Variants in PRDM15 observed in about 807,000 individuals in gnomAD.
The protein encoded by PRDM15 is PR domain zinc finger protein 15.
A neutral mutation model predicts 128.6 loss-of-function variants in PRDM15; 64 were observed. The ratio of observed to expected loss-of-function variants is 0.50; its 90% confidence interval spans 0.41 to 0.61. The LOEUF (loss-of-function observed/expected upper bound fraction) is 0.61. Ranked by LOEUF, PRDM15 falls within the 20% of genes least tolerant of loss-of-function variation. The pLI, the probability that PRDM15 is intolerant of heterozygous loss-of-function variation, is 0.00. For missense variants in PRDM15, 1,242 were observed against 1,569.1 expected (o/e 0.79, Z 3.52); for synonymous variants, 615 against 621.8 (o/e 0.99, Z 0.16).
At chr21:41,878,740 C>A in intron 1 of PRDM15, 1 of 1,568,054 alleles carries the variant, frequency 6.4e-7, no homozygotes, top group Non-Finnish European at 8.6e-7. Context: ...CCAGGGACCC[C>A]CCCGTGCGAC....
Position 41,862,053 on chromosome 21 carries a change from G to A in PRDM15, c.-9-1681C>T. 7.4e-7 allele frequency: 1 copy of A among 1,351,274 alleles called. No homozygotes were observed. Among genetic ancestry groups the A allele is most frequent in the East Asian group, 2.3e-5 (1 of 42,944 alleles). 83.7% of individuals were successfully genotyped at this position (1,351,274 alleles called of 1,614,324 possible). A position where few individuals can be genotyped will look rare whatever the true frequency, so the allele number is the denominator to read the frequency against. Reference sequence around the variant, plus strand: ...GCAAATAGGGACCAGTCTGGGATGGGGGCTCAGCTGGGCAGTGAGCAGGAG... The same window carrying A: ...GCAAATAGGGACCAGTCTGGGATGGAGGCTCAGCTGGGCAGTGAGCAGGAG... On this transcript the variant is annotated intron_variant, in intron 1 of 23. Transcript: ENST00000398548. This position sits in a 1 kb window ranked among gnomAD's most constrained non-coding sequence, Gnocchi z 4.1.
chr21:41,812,869 T>G (rs1324890954), intron 19 of PRDM15: 1 of 152,334 alleles, frequency 6.6e-6, no homozygotes, highest in Non-Finnish European at 1.5e-5. Flanking sequence ...CCCAGACACC[T>G]TGCTCTGACG....
At chr21:41,848,631 A>G (rs2063338617) in intron 5 of PRDM15, among the ~76,000 whole-genome samples, 1 of 152,252 alleles carries the variant, frequency 6.6e-6, no homozygotes, top group Non-Finnish European at 1.5e-5. Context: ...TCAGAAAAAG[A>G]GGACAAGGGC....
intron 11 of PRDM15, among the ~76,000 whole-genome samples, chr21:41,830,227 CCA>C (rs1211979351): frequency 4.1e-4 from 61 of 149,014 alleles, no homozygotes; most frequent in African/African-American, 1.3e-3. Context: ...CACAATCACA[CCA>C]CACACTCAAN....
chr21:41,808,823 C>A (rs541800747), intron 21 of PRDM15, among the ~76,000 whole-genome samples: 7 of 152,210 alleles, frequency 4.6e-5, no homozygotes, highest in Non-Finnish European at 1.0e-4. Flanking sequence ...AAACACACTG[C>A]TAAACTATCA....
At position 41,828,052 on chromosome 21, in the gene PRDM15, A is replaced by T; in HGVS notation, c.1534+114T>A. On this transcript the variant is annotated intron_variant, in intron 12 of 23. Coordinates refer to ENST00000398548, the MANE Select transcript of PRDM15 (RefSeq NM_001040424.3). The surrounding 1 kb of genome is among the most constrained non-coding windows in gnomAD (Gnocchi z 5.7). ...GATGGCGGGCGTTTCCAGGCAAAGG[A>T]GCAGGCGGCACCGAACTGCTCCCCA... is the stretch of plus-strand genomic sequence containing the variant. The T allele has an allele frequency of 9.6e-7, 1 of 1,047,082 alleles. No homozygotes were observed. Among genetic ancestry groups the T allele is most frequent in the Non-Finnish European group, 1.4e-6 (1 of 706,500 alleles). The allele number at this position is 1,047,082 out of a possible 1,614,324, so 64.9% of individuals were successfully genotyped here. A position where few individuals can be genotyped will look rare whatever the true frequency, so the allele number is the denominator to read the frequency against.
At chr21:41,861,716 C>A (rs767712790) in intron 1 of PRDM15, 1 of 1,614,166 alleles carries the variant, frequency 6.2e-7, no homozygotes, top group South Asian at 1.1e-5. Context: ...CCGTGCAAAA[C>A]TCATATGGAA....
Position 41,828,929 on chromosome 21 carries a change from A to AC in PRDM15, c.1367-597dup, listed in dbSNP as rs914067664. ...ACAAATACAAACACACTCAACACACACCCCCCACACAAATACACAATCACA... is the reference window on the plus strand; with the variant it reads ...ACAAATACAAACACACTCAACACACACCCCCCCACACAAATACACAATCACA... On this transcript the variant is annotated intron_variant, in intron 11 of 23. Transcript: ENST00000398548. This position sits in a 1 kb window ranked among gnomAD's most constrained non-coding sequence, Gnocchi z 5.7. Among the ~76,000 whole-genome samples the AC allele has an allele frequency of 8.0e-4, 120 of 149,470 alleles. 1 individual carries two copies. Among genetic ancestry groups the AC allele is most frequent in the Middle Eastern group, 3.5e-3 (1 of 288 alleles).
In PRDM15 at chr21:41,800,563, C is replaced by G. The variant is rs929245697; in HGVS notation, c.*677G>C. On this transcript the variant is annotated 3_prime_UTR_variant, in exon 24 of 24. Coordinates refer to ENST00000398548, the MANE Select transcript of PRDM15 (RefSeq NM_001040424.3). Reference sequence around the variant, plus strand: ...TCGATTCATGGATATTACTAAGATGCGTTTTGAGCTGGAGTCAGTGACCTC... The same window carrying G: ...TCGATTCATGGATATTACTAAGATGGGTTTTGAGCTGGAGTCAGTGACCTC... The G allele has an allele frequency of 6.6e-6, 1 of 151,918 alleles. No individual in the cohort carries two copies. The highest frequency in any genetic ancestry group is 6.6e-5 in the Admixed American group (1 of 15,244). 9.4% of individuals were successfully genotyped at this position (151,918 alleles called of 1,614,324 possible).
intron 22 of PRDM15, among the ~76,000 whole-genome samples, chr21:41,804,162 C>T (rs1249328354): frequency 2.0e-5 from 3 of 152,172 alleles, no homozygotes; most frequent in African/African-American, 7.2e-5. Context: ...CAGGGTTTTG[C>T]CACGTTGGCC....
intron 21 of PRDM15, among the ~76,000 whole-genome samples, chr21:41,807,346 C>CAGTTAAACTATAACTAGTTTAACTTAACT (rs1299043548): frequency 4.6e-5 from 7 of 152,218 alleles, no homozygotes; most frequent in Non-Finnish European, 7.3e-5. Flanking sequence ...ACTAGTCCAA[C>CAGTTAAACTATAACTAGTTTAACTTAACT]AGTTAAACTA....
intron 14 of PRDM15, 170 bp downstream of exon 14, chr21:41,823,148 A>G: frequency 1.2e-6 from 1 of 854,306 alleles, no homozygotes; most frequent in Non-Finnish European, 1.9e-6. Flanking sequence ...GAGCCTCGCC[A>G]GACACCGAAT....
At chr21:41,816,483 G>C (rs562638259) in intron 18 of PRDM15, among the ~76,000 whole-genome samples, 29 of 152,278 alleles carry the variant, frequency 1.9e-4, no homozygotes, top group African/African-American at 7.0e-4. Context: ...CCCAAAGGCA[G>C]CCTCCCCAGC....
At position 41,810,097 on chromosome 21, in the gene PRDM15, G is replaced by T; in HGVS notation, c.2652+57C>A. 1.9e-6 allele frequency: 3 copies of T among 1,540,638 alleles called. No individual in the cohort carries two copies. Among genetic ancestry groups the T allele is most frequent in the Non-Finnish European group, 2.6e-6 (3 of 1,138,448 alleles). On this transcript the variant is annotated intron_variant, in intron 21 of 23. Coordinates refer to ENST00000398548, the MANE Select transcript of PRDM15 (RefSeq NM_001040424.3). This position sits in a 1 kb window ranked among gnomAD's most constrained non-coding sequence, Gnocchi z 6.4. ...GAGGTGGGCCATGTGCCAGCATGGG[G>T]GTGTCCGGTGCGCGGCCCGCTGGCG...
chr21:41,826,204 T>A, intron 12 of PRDM15, 150 bp from the exon 13 acceptor site: 1 of 629,646 alleles, frequency 1.6e-6, no homozygotes, highest in South Asian at 1.9e-5. Flanking sequence ...TTAAGTAACA[T>A]CACTTGCACA....
intron 3 of PRDM15, among the ~76,000 whole-genome samples, chr21:41,858,797 C>T (rs1277962035): frequency 6.6e-6 from 1 of 152,136 alleles, no homozygotes; most frequent in Non-Finnish European, 1.5e-5. Flanking sequence ...CTACTGTCTA[C>T]TTTAGGCCAA....
chr21:41,836,353 C>A, intron 9 of PRDM15, 115 bp downstream of exon 9: 1 of 1,313,686 alleles, frequency 7.6e-7, no homozygotes, highest in South Asian at 1.3e-5. Flanking sequence ...TGCAGCCTCT[C>A]ACTGGCGCAG....
intron 21 of PRDM15, among the ~76,000 whole-genome samples, chr21:41,806,006 T>TCAC (rs758891399): frequency 1.4e-4 from 6 of 42,422 alleles, no homozygotes; most frequent in Non-Finnish European, 1.4e-4. Flanking sequence ...ACCACCACCA[T>TCAC]CACCACCACC....
chr21:41,807,463 C>T (rs2061717370), intron 21 of PRDM15, among the ~76,000 whole-genome samples: 1 of 152,140 alleles, frequency 6.6e-6, no homozygotes, highest in Non-Finnish European at 1.5e-5. Flanking sequence ...GACCGTTATC[C>T]CACTCTCAGA....
Sources: allele counts gnomAD v4.1 joint callset (sites outside exome capture counted in the v4.1 genomes callset), GRCh38; gene constraint gnomAD v4.1.1; non-coding constraint Gnocchi (gnomAD v3.1); transcripts MANE v1.5; gene names NCBI Gene and HGNC (gene_info 2026-07-23, HGNC 2026-07-21).